Variants in CLCN4 observed in about 807,000 individuals in gnomAD.
The protein encoded by CLCN4 is Cl-/H+ antiporter 4, also known as H(+)/Cl(-) exchange transporter 4.
Under a neutral mutation model 41.7 loss-of-function variants are expected in CLCN4, and 1 was observed. The ratio of observed to expected loss-of-function variants is 0.02; its 90% CI spans 0.01 to 0.11. The LOEUF is 0.11. Ranked by LOEUF, CLCN4 falls within the 10% of genes least tolerant of loss-of-function variation. CLCN4 has a pLI of 1.00. For synonymous variants in CLCN4, 277 were observed against 285.8 expected, an observed-to-expected ratio of 0.97 and a Z score of 0.31; for missense variants, 287 against 661.0, an observed-to-expected ratio of 0.43 and a Z score of 6.20.
At chrX:10,216,441 T>C (rs927300535) in intron 11 of CLCN4, among the ~76,000 whole-genome samples, 1 of 111,385 alleles carries the variant, frequency 9.0e-6, no homozygotes, top group African/African-American at 3.3e-5. Flanking sequence ...TCTGCAAATA[T>C]GAGGACTCGC....
At chrX:10,191,598 G>C (rs1304649306) in intron 4 of CLCN4, among the ~76,000 whole-genome samples, 1 of 110,410 alleles carries the variant, frequency 9.1e-6, no homozygotes, top group Non-Finnish European at 1.9e-5. Context: ...GTTCTGGCGC[G>C]ATCATGGTTC....
intron 10 of CLCN4, among the ~76,000 whole-genome samples, chrX:10,212,940 A>G (rs1347513837): frequency 8.9e-6 from 1 of 111,906 alleles, no homozygotes; most frequent in African/African-American, 3.3e-5. Flanking sequence ...TTGAAAATGC[A>G]TTGAATACAC....
chrX:10,181,432 C>T (rs1923682780), intron 2 of CLCN4, among the ~76,000 whole-genome samples: 1 of 110,621 alleles, frequency 9.0e-6, no homozygotes. Flanking sequence ...AAGAAGATGC[C>T]CCAACTGTGT....
At chrX:10,207,848 T>A (rs1218331261) in intron 8 of CLCN4, among the ~76,000 whole-genome samples, 197 bp from the exon 9 acceptor site, 1 of 111,989 alleles carries the variant, frequency 8.9e-6, no homozygotes, top group Non-Finnish European at 1.9e-5. Context: ...CCTTGATTAG[T>A]GTCCATTCCA....
At chrX:10,170,660 C>A (rs1313579395) in intron 2 of CLCN4, among the ~76,000 whole-genome samples, 2 of 111,372 alleles carry the variant, frequency 1.8e-5, no homozygotes. Context: ...AGGGTGGGAC[C>A]TGACAGTCTG....
chrX:10,180,086 A>T (rs5933816), intron 2 of CLCN4, among the ~76,000 whole-genome samples: 38,199 of 111,518 alleles, frequency 0.34, 5,079 homozygotes, highest in African/African-American at 0.49. Context: ...TTAAAATACA[A>T]CTACGAAGAA....
intron 11 of CLCN4, among the ~76,000 whole-genome samples, chrX:10,216,238 G>A (rs1187961725): frequency 8.9e-6 from 1 of 112,369 alleles, no homozygotes; most frequent in Non-Finnish European, 1.9e-5. Context: ...AAAAATTGTA[G>A]CAACTGCTCA....
chrX:10,171,140 G>A (rs988873405), intron 2 of CLCN4, among the ~76,000 whole-genome samples: 6 of 112,054 alleles, frequency 5.4e-5, no homozygotes, highest in African/African-American at 1.9e-4. Flanking sequence ...CACCCACCTC[G>A]GCCTCTCAAA....
intron 12 of CLCN4, among the ~76,000 whole-genome samples, chrX:10,228,440 A>G (rs1925043452): frequency 9.1e-6 from 1 of 110,432 alleles, no homozygotes; most frequent in African/African-American, 3.3e-5. Context: ...GAGGACATCA[A>G]TCCCCTCCGT....
At chrX:10,199,460 C>T (rs764239460) in intron 6 of CLCN4, among the ~76,000 whole-genome samples, 1 of 112,305 alleles carries the variant, frequency 8.9e-6, no homozygotes, top group Non-Finnish European at 1.9e-5. Context: ...CTGCAACTTA[C>T]GCGTTGCTGT....
At chrX:10,163,028 G>A (rs151238948) in intron 2 of CLCN4, among the ~76,000 whole-genome samples, 221 of 113,573 alleles carry the variant, frequency 1.9e-3, no homozygotes, top group African/African-American at 6.7e-3. Context: ...GAAAAGAAAT[G>A]TAAACCCTTA....
At chrX:10,174,227 C>A (rs1170462077) in intron 2 of CLCN4, among the ~76,000 whole-genome samples, 1 of 112,240 alleles carries the variant, frequency 8.9e-6, no homozygotes, top group East Asian at 2.8e-4. Flanking sequence ...TCCATGTGTG[C>A]GGCCCTGCAT....
At chrX:10,227,784 T>C (rs1263500700) in intron 12 of CLCN4, among the ~76,000 whole-genome samples, 1 of 112,138 alleles carries the variant, frequency 8.9e-6, no homozygotes, top group Non-Finnish European at 1.9e-5. Flanking sequence ...TTGGCTTCTT[T>C]CACTGAGCAT....
At chrX:10,207,990 G>C (rs1026738769) in intron 8 of CLCN4, 55 bp from the exon 9 acceptor site, 5 of 1,041,912 alleles carry the variant, frequency 4.8e-6, no homozygotes, top group Middle Eastern at 3.4e-4. Context: ...AGAGGGCTTG[G>C]CTCTGAGCAG....
At chrX:10,181,359 AAAAAAGAAAGAAAAGAAAG>A (rs890887696) in intron 2 of CLCN4, among the ~76,000 whole-genome samples, 7 of 91,318 alleles carry the variant, frequency 7.7e-5, no homozygotes, top group African/African-American at 2.5e-4. Context: ...ACCCTGAAAA[AAAAAAGAAAGAAAAGAAAG>A]AAAAAGAAAA....
intron 12 of CLCN4, among the ~76,000 whole-genome samples, chrX:10,223,165 C>G (rs866114529): frequency 2.7e-5 from 3 of 112,080 alleles, no homozygotes; most frequent in Non-Finnish European, 1.9e-5. Context: ...ACCTTGAGAA[C>G]CACTGAAGTC....
At chrX:10,177,110 T>C (rs760783105) in intron 2 of CLCN4, among the ~76,000 whole-genome samples, 3 of 112,912 alleles carry the variant, frequency 2.7e-5, no homozygotes, top group South Asian at 7.3e-4. Flanking sequence ...CATTTTTATA[T>C]GGTTGAGAAA....
chrX:10,196,611 T>C (rs1422446034), intron 5 of CLCN4, among the ~76,000 whole-genome samples: 1 of 108,534 alleles, frequency 9.2e-6, no homozygotes, highest in African/African-American at 3.4e-5. Flanking sequence ...CCATTTTTGC[T>C]AAACCTCTTT....
At chrX:10,188,558 G>T (rs898720211) in intron 4 of CLCN4, among the ~76,000 whole-genome samples, 6 of 112,316 alleles carry the variant, frequency 5.3e-5, no homozygotes, top group Non-Finnish European at 1.1e-4. Flanking sequence ...CAGCCCTTCC[G>T]GGAAATAGTT....
Sources: allele counts gnomAD v4.1 joint callset (sites outside exome capture counted in the v4.1 genomes callset), GRCh38; gene constraint gnomAD v4.1.1; transcripts MANE v1.5; gene names NCBI Gene and HGNC (gene_info 2026-07-23, HGNC 2026-07-21).